ATP8A2: variants seen among roughly 807,000 people sequenced by gnomAD.
The protein encoded by ATP8A2 is phospholipid-transporting ATPase IB.
A neutral mutation model predicts 165.6 loss-of-function variants in ATP8A2; 100 were observed. The ratio of observed to expected loss-of-function variants is 0.60; its 90% confidence interval spans 0.51 to 0.71. The LOEUF is 0.71. ATP8A2 is among the 30% of genes least tolerant of loss of function. The pLI is 0.00. For missense variants in ATP8A2, 1,227 were observed against 1,479.5 expected (o/e 0.83, Z 2.80); for synonymous variants, 543 against 548.8 (o/e 0.99, Z 0.15).
At chr13:25,637,658 C>T (rs2041406484) in intron 24 of ATP8A2, among the ~76,000 whole-genome samples, 1 of 152,148 alleles carries the variant, frequency 6.6e-6, no homozygotes, top group Non-Finnish European at 1.5e-5. Context: ...GCCTGGCTGC[C>T]TCTGTAGACT....
At chr13:25,973,330 C>A (rs768432450) in intron 35 of ATP8A2, among the ~76,000 whole-genome samples, 1 of 152,168 alleles carries the variant, frequency 6.6e-6, no homozygotes, top group Non-Finnish European at 1.5e-5. Flanking sequence ...GGCCCATCAC[C>A]GCCAGGGAAT....
At chr13:25,874,715 G>A (rs577501119) in intron 33 of ATP8A2, among the ~76,000 whole-genome samples, 1 of 152,234 alleles carries the variant, frequency 6.6e-6, no homozygotes, top group African/African-American at 2.4e-5. Context: ...CCACTTCTGG[G>A]TATATACCCA....
intron 24 of ATP8A2, among the ~76,000 whole-genome samples, chr13:25,682,417 G>C (rs2042511122): frequency 6.6e-6 from 1 of 152,162 alleles, no homozygotes; most frequent in African/African-American, 2.4e-5. Context: ...ATGCTCCCCG[G>C]CAGCTGTTTT....
intron 34 of ATP8A2, 119 bp from the exon 35 acceptor site, chr13:25,968,456 C>G: frequency 1.2e-6 from 1 of 809,102 alleles, no homozygotes; most frequent in South Asian, 1.7e-5. Context: ...CCACCACTTC[C>G]CGAGCCTCGG....
At chr13:25,816,396 T>A (rs536062112) in intron 27 of ATP8A2, among the ~76,000 whole-genome samples, 1 of 152,330 alleles carries the variant, frequency 6.6e-6, no homozygotes, top group Admixed American at 6.5e-5. Context: ...GCTAGGCTTT[T>A]GTACAAGTTG....
intron 24 of ATP8A2, among the ~76,000 whole-genome samples, chr13:25,655,269 C>T (rs1469031514): frequency 6.6e-6 from 1 of 152,222 alleles, no homozygotes; most frequent in Non-Finnish European, 1.5e-5. Flanking sequence ...AAGCAATCCT[C>T]CTGCCTTAGC....
chr13:25,452,501 G>T (rs1055788356), intron 1 of ATP8A2, among the ~76,000 whole-genome samples: 11 of 151,966 alleles, frequency 7.2e-5, no homozygotes, highest in African/African-American at 2.7e-4. Context: ...GTTTTCTTGA[G>T]AAAAGCACTA....
intron 24 of ATP8A2, among the ~76,000 whole-genome samples, chr13:25,663,190 A>G (rs549487055): frequency 2.9e-4 from 44 of 152,382 alleles, no homozygotes; most frequent in Admixed American, 8.5e-4. Flanking sequence ...AATTTTGAAT[A>G]ATTCCAAAGC....
At chr13:25,537,857 G>A (rs1456081994) in intron 6 of ATP8A2, 131 bp from the exon 7 acceptor site, 1 of 523,410 alleles carries the variant, frequency 1.9e-6, no homozygotes, top group African/African-American at 1.9e-5. Flanking sequence ...AATAATTTGG[G>A]CTTCTCTATC....
At chr13:25,627,761 A>G (rs61947480) in intron 24 of ATP8A2, among the ~76,000 whole-genome samples, 5,822 of 152,278 alleles carry the variant, frequency 0.038, 136 homozygotes, top group Non-Finnish European at 0.052. Flanking sequence ...TCATTAACTG[A>G]GATGGAGCTA....
Position 25,454,689 on chromosome 13 carries a change from C to T in ATP8A2, c.77-14288C>T, listed in dbSNP as rs796494250. Among the ~76,000 whole-genome samples, 20 of 152,180 alleles carry T rather than the reference C, an allele frequency of 1.3e-4. No individual in the cohort carries two copies. In the East Asian group the frequency reaches 3.3e-3, roughly 25 times the overall value. Reference sequence around the variant, plus strand: ...CTGTAATCCCAGCACTTTGGGAGGCCGAGGTGGGTGAATCACGAGGTCATG... The same window carrying T: ...CTGTAATCCCAGCACTTTGGGAGGCTGAGGTGGGTGAATCACGAGGTCATG... On this transcript the variant is annotated intron_variant, in intron 1 of 36. Transcript: ENST00000381655.
rs180926078 is a variant in ATP8A2 at position 25,760,440 on chromosome 13, G to A, written c.2385-8606G>A. The stretch of plus-strand genomic sequence containing the variant: ...ATCAGAATTTAGACGCCATATAAAG[G>A]TATCTTCAGGTAAACAGAATAGCTA... On this transcript the variant is annotated intron_variant, in intron 25 of 36. Transcript: ENST00000381655. Among the ~76,000 whole-genome samples, 262 of 152,250 alleles carry A rather than the reference G, an allele frequency of 1.7e-3. 1 individual carries two copies. The highest frequency in any genetic ancestry group is 5.9e-3 in the African/African-American group (246 of 41,552).
chr13:25,448,149 T>C (rs550014805), intron 1 of ATP8A2, among the ~76,000 whole-genome samples: 1 of 152,326 alleles, frequency 6.6e-6, no homozygotes, highest in African/African-American at 2.4e-5. Context: ...AGGGACTCTG[T>C]CCTTTTCTAC....
At chr13:25,899,335 G>T (rs1953665398) in intron 33 of ATP8A2, among the ~76,000 whole-genome samples, 1 of 152,156 alleles carries the variant, frequency 6.6e-6, no homozygotes, top group South Asian at 2.1e-4. Flanking sequence ...GCTCCTTGTG[G>T]TGTGACATGC....
At chr13:26,000,347 T>G (rs1395487054) in intron 35 of ATP8A2, among the ~76,000 whole-genome samples, 1 of 152,232 alleles carries the variant, frequency 6.6e-6, no homozygotes, top group Non-Finnish European at 1.5e-5. Flanking sequence ...GATTTGGAGT[T>G]ATTTGCTGTG....
At chr13:25,509,630 C>A (rs758388263) in intron 2 of ATP8A2, among the ~76,000 whole-genome samples, 1 of 151,606 alleles carries the variant, frequency 6.6e-6, no homozygotes, top group South Asian at 2.1e-4. Context: ...ATTTTGTTTT[C>A]GTAATACTGT....
chr13:25,926,648 C>A (rs1208705549), intron 33 of ATP8A2, among the ~76,000 whole-genome samples: 2 of 152,062 alleles, frequency 1.3e-5, no homozygotes, highest in Admixed American at 6.5e-5. Flanking sequence ...CCAAAATAAG[C>A]TTAAAATTTG....
intron 3 of ATP8A2, among the ~76,000 whole-genome samples, chr13:25,530,299 G>C (rs1340960210): frequency 1.3e-5 from 2 of 152,200 alleles, no homozygotes; most frequent in African/African-American, 4.8e-5. Flanking sequence ...GATGATTGCA[G>C]TGACTGAAAG....
intron 25 of ATP8A2, among the ~76,000 whole-genome samples, chr13:25,699,721 C>T (rs1306188466): frequency 1.3e-5 from 2 of 152,082 alleles, no homozygotes; most frequent in Admixed American, 6.6e-5. Flanking sequence ...TGCTTCTTTT[C>T]TGGCGTTTGT....
Sources: allele counts gnomAD v4.1 joint callset (sites outside exome capture counted in the v4.1 genomes callset), GRCh38; gene constraint gnomAD v4.1.1; transcripts MANE v1.5; gene names NCBI Gene and HGNC (gene_info 2026-07-23, HGNC 2026-07-21).